FLNB: variants seen among roughly 807,000 people sequenced by gnomAD.
The protein encoded by FLNB is filamin B.
Under a neutral mutation model 250.6 loss-of-function variants are expected in FLNB, and 111 were observed. The ratio of observed to expected loss-of-function variants is 0.44; its 90% confidence interval spans 0.38 to 0.52. FLNB has a LOEUF of 0.52. Ranked by LOEUF, FLNB falls within the 20% of genes least tolerant of loss-of-function variation. The pLI, the probability that FLNB is intolerant of heterozygous loss-of-function variation, is 0.00. For synonymous variants in FLNB, 1,302 were observed against 1,372.1 expected (o/e 0.95, Z 1.13); for missense variants, 2,869 against 3,447.8 (o/e 0.83, Z 4.20).
At chr3:58,159,970 C>T (rs1312480752) in intron 42 of FLNB, among the ~76,000 whole-genome samples, 1 of 151,960 alleles carries the variant, frequency 6.6e-6, no homozygotes, top group Non-Finnish European at 1.5e-5. Context: ...CTGCAGTGAG[C>T]TATGATGCAG....
chr3:58,017,052 A>T (rs1352500186), intron 1 of FLNB, among the ~76,000 whole-genome samples: 1 of 152,170 alleles, frequency 6.6e-6, no homozygotes, highest in African/African-American at 2.4e-5. Context: ...AAGGTGCCTA[A>T]CTAACTTTTC....
chr3:58,112,386 G>C, intron 18 of FLNB, 68 bp downstream of exon 18: 2 of 1,501,368 alleles, frequency 1.3e-6, no homozygotes, highest in Non-Finnish European at 1.9e-6. Context: ...TCGGTGCTGG[G>C]TCACTGTGGA....
At chr3:58,073,683 T>C (rs2097197828) in intron 1 of FLNB, among the ~76,000 whole-genome samples, 1 of 152,162 alleles carries the variant, frequency 6.6e-6, no homozygotes. Flanking sequence ...GACCAGGTCC[T>C]CTGCTCCGGG....
intron 9 of FLNB, among the ~76,000 whole-genome samples, chr3:58,102,546 G>A (rs1394634295): frequency 6.6e-6 from 1 of 152,244 alleles, no homozygotes; most frequent in Admixed American, 6.5e-5. Flanking sequence ...TGGCTTGACA[G>A]CTTTACATTA....
intron 34 of FLNB, 69 bp downstream of exon 34, chr3:58,147,062 A>C: frequency 2.0e-6 from 3 of 1,512,234 alleles, no homozygotes; most frequent in Non-Finnish European, 2.8e-6. Context: ...CACCCTCCTT[A>C]TCAGACCCCT....
intron 28 of FLNB, among the ~76,000 whole-genome samples, chr3:58,136,462 T>C (rs2097316187): frequency 6.6e-6 from 1 of 152,176 alleles, no homozygotes; most frequent in Non-Finnish European, 1.5e-5. Context: ...ATTATATGCT[T>C]TTGAAATGTT....
chr3:58,069,344 A>T (rs939793675), intron 1 of FLNB, among the ~76,000 whole-genome samples: 1 of 142,514 alleles, frequency 7.0e-6, no homozygotes, highest in African/African-American at 2.7e-5. Flanking sequence ...GGTTCAAGTG[A>T]TTCTTGTGCC....
Position 58,148,202 on chromosome 3 carries a change from C to T in FLNB, c.5729-4C>T, listed in dbSNP as rs116142791. Reference sequence around the variant, plus strand: ...GGGAGTCCTTTTTGGGGGATGTTTCCCAGATGACAGCAGGCGGTGCTCCCA... The same window carrying T: ...GGGAGTCCTTTTTGGGGGATGTTTCTCAGATGACAGCAGGCGGTGCTCCCA... On this transcript the variant is annotated splice_region_variant and splice_polypyrimidine_tract_variant and intron_variant, in intron 34 of 45. Transcript: ENST00000295956. The T allele has an allele frequency of 1.3e-5, 21 of 1,614,150 alleles. No homozygotes were observed. Among genetic ancestry groups the T allele is most frequent in the Admixed American group, 6.7e-5 (4 of 60,028 alleles).
At chr3:58,087,906 A>C (rs1202321576) in intron 4 of FLNB, among the ~76,000 whole-genome samples, 1 of 151,642 alleles carries the variant, frequency 6.6e-6, no homozygotes, top group African/African-American at 2.4e-5. Flanking sequence ...ACACCCCGCC[A>C]ATTTTGTATT....
chr3:58,055,376 G>C (rs756670707), intron 1 of FLNB, among the ~76,000 whole-genome samples: 1 of 152,152 alleles, frequency 6.6e-6, no homozygotes, highest in Non-Finnish European at 1.5e-5. Flanking sequence ...ATGAATGATT[G>C]TATTTATGGC....
In FLNB at chr3:58,126,671, C is replaced by T; in HGVS notation, c.4131C>T (p.Asp1377=). 1 of 1,613,792 alleles carries T rather than the reference C, an allele frequency of 6.2e-7. No homozygotes were observed. Among genetic ancestry groups the T allele is most frequent in the Non-Finnish European group, 8.5e-7 (1 of 1,179,706 alleles). The change falls in exon 24 of 46, where the codon GAC becomes GAT. Residue 1377 remains aspartate (D), a synonymous_variant. Coordinates refer to ENST00000295956, the MANE Select transcript of FLNB (RefSeq NM_001457.4). ...GPSESKINCR[D]NKDGSCSAEY... Reference sequence around the variant, plus strand: ...CAGAGTCGAAGATAAATTGCAGAGACAACAAGGATGGCAGCTGCAGTGCTG... The same window carrying T: ...CAGAGTCGAAGATAAATTGCAGAGATAACAAGGATGGCAGCTGCAGTGCTG...
Position 58,122,969 on chromosome 3 carries a change from G to T in FLNB, c.3127-124G>T. ...CTCGTGTGCACGTGTGACACATAAA[G>T]CCCCAAGAGAAGGGCTGCCTGGCTC... On this transcript the variant is annotated intron_variant, in intron 20 of 45. Transcript: ENST00000295956. The T allele has an allele frequency of 4.6e-6, 4 of 874,358 alleles. No homozygotes were observed. The South Asian group carries it at 5.3e-5, about 12-fold the overall frequency. The allele number at this position is 874,358 out of a possible 1,614,324, so 54.2% of individuals were successfully genotyped here.
At chr3:58,148,122 C>A in intron 34 of FLNB, 84 bp from the exon 35 acceptor site, 1 of 1,393,128 alleles carries the variant, frequency 7.2e-7, no homozygotes, top group Non-Finnish European at 1.0e-6. Flanking sequence ...GCGTGTTCAT[C>A]CGTGAACAGC....
At chr3:58,009,256 G>A (rs2097094807) in intron 1 of FLNB, among the ~76,000 whole-genome samples, 1 of 152,180 alleles carries the variant, frequency 6.6e-6, no homozygotes, top group Admixed American at 6.5e-5. Flanking sequence ...TCTCCCTGCT[G>A]CGCCCAGGTT....
chr3:58,170,639 G>A lies in FLNB; in HGVS notation c.7686G>A (p.Lys2562=), dbSNP rs1353775494. Residue 2562 remains lysine, a synonymous_variant, in exon 46 of 46, where the codon AAG becomes AAA. Coordinates refer to ENST00000295956, the MANE Select transcript of FLNB (RefSeq NM_001457.4). ...CCCCCTGCGAGGAGGTCTCCATGAA[G>A]CATGTAGGCAACCAGCAATACAACG... ...PTTPCEEVSM[K]HVGNQQYNVT... The A allele has an allele frequency of 3.1e-6, 5 of 1,614,042 alleles. No individual in the cohort carries two copies. Among genetic ancestry groups the A allele is most frequent in the Non-Finnish European group, 4.2e-6 (5 of 1,180,040 alleles).
rs1356322142 is a variant in FLNB, at chr3:58,126,664, G to T, written c.4124G>T (p.Cys1375Phe). Residue 1375 changes from cysteine (C) to phenylalanine (F), a missense_variant, in exon 24 of 46, where the codon TGC (cysteine) becomes TTC (phenylalanine). Around this residue, in one of 5 missense-constraint regions of FLNB, gnomAD observed 1,348 missense variants for 1,466.7 expected, o/e 0.92. Transcript: ENST00000295956. ...VEGPSESKIN[C>F]RDNKDGSCSA... is the part of the protein sequence containing the mutation. ...GGACCATCAGAGTCGAAGATAAATT[G>T]CAGAGACAACAAGGATGGCAGCTGC... 2 of 1,613,822 alleles carry T rather than the reference G, an allele frequency of 1.2e-6. No individual in the cohort carries two copies. The highest frequency in any genetic ancestry group is 1.7e-6 in the Non-Finnish European group (2 of 1,179,826).
chr3:58,054,177 G>T (rs1011546002), intron 1 of FLNB, among the ~76,000 whole-genome samples: 8 of 152,134 alleles, frequency 5.3e-5, no homozygotes, highest in Non-Finnish European at 7.3e-5. Context: ...TATATTGCTG[G>T]CTGGGTTCTA....
At chr3:58,036,450 C>G (rs535618374) in intron 1 of FLNB, among the ~76,000 whole-genome samples, 9 of 152,018 alleles carry the variant, frequency 5.9e-5, no homozygotes, top group Admixed American at 1.3e-4. Flanking sequence ...CACAGGGGGT[C>G]GAAGTGACGT....
In FLNB at chr3:58,008,463, CCCCGCT is replaced by C; in HGVS notation, c.-93_-88del. The C allele has an allele frequency of 7.1e-7, 1 of 1,407,510 alleles. No individual in the cohort carries two copies. Among genetic ancestry groups the C allele is most frequent in the South Asian group, 1.2e-5 (1 of 80,754 alleles). 87.2% of individuals were successfully genotyped at this position (1,407,510 alleles called of 1,614,324 possible). A position where few individuals can be genotyped will look rare whatever the true frequency, so the allele number is the denominator to read the frequency against. On this transcript the variant is annotated 5_prime_UTR_variant, in exon 1 of 46. Transcript: ENST00000295956. ...TGGCTCCGGTAGCAGCAAGTTCGAA[CCCCGCT>C]CCCGCTCCGCTTCGGTTCTCGCTCC...
Sources: gnomAD v4.1 joint callset for allele counts (sites outside exome capture counted in the v4.1 genomes callset) on GRCh38, gnomAD v4.1.1 for gene constraint, gnomAD v4.1.1 regional missense constraint, MANE v1.5 for transcripts, NCBI Gene and HGNC (gene_info 2026-07-23, HGNC 2026-07-21) for gene names.